Variants in SOX6 observed in about 807,000 individuals in gnomAD.
SOX6 encodes transcription factor SOX-6.
SOX6 carries 11 observed loss-of-function variants against 97.8 expected under a neutral mutation model. The observed-to-expected ratio is 0.11, with a 90% CI of 0.07 to 0.19. The LOEUF (loss-of-function observed/expected upper bound fraction) is 0.19. Among genes scored for constraint, SOX6 ranks in the 10% least tolerant of loss-of-function variants. The pLI is 1.00. For synonymous variants in SOX6, 360 were observed against 371.4 expected, an observed-to-expected ratio of 0.97 and a Z score of 0.35; for missense variants, 810 against 1,039.5, an observed-to-expected ratio of 0.78 and a Z score of 3.04.
chr11:16,156,665 A>G (rs1279466971), intron 6 of SOX6, among the ~76,000 whole-genome samples: 2 of 151,482 alleles, frequency 1.3e-5, no homozygotes, highest in Admixed American at 6.6e-5. Context: ...TGCTCTTTCT[A>G]CTCCATCTTT....
rs537705127 is a variant in SOX6, at chr11:16,208,998, T to C, written c.536-22043A>G. On this transcript the variant is annotated intron_variant, in intron 4 of 15. Coordinates refer to ENST00000683767, the MANE Select transcript of SOX6 (RefSeq NM_001367873.1). ...TAAAATATTTCATTTTCTAAATACA[T>C]ATATGTGTGGGCTTCATACACTTCA... 9.8e-5 allele frequency among the ~76,000 whole-genome samples: 15 copies of C among 152,304 alleles called. No individual in the cohort carries two copies. In the South Asian group the frequency reaches 2.7e-3, roughly 27 times the overall value.
At chr11:16,718,595 T>G (rs1848235934) in intron 2 of SOX6, among the ~76,000 whole-genome samples, 1 of 152,180 alleles carries the variant, frequency 6.6e-6, no homozygotes, top group South Asian at 2.1e-4. Flanking sequence ...AGAAATAAAT[T>G]ACATATATGC....
intron 4 of SOX6, among the ~76,000 whole-genome samples, chr11:16,486,026 T>C (rs1860427435): frequency 7.8e-6 from 1 of 128,756 alleles, no homozygotes; most frequent in Non-Finnish European, 1.6e-5. Context: ...GAAGACCTCC[T>C]GTCATTACTT....
intron 4 of SOX6, among the ~76,000 whole-genome samples, chr11:16,194,927 C>T (rs7931734): frequency 0.55 from 82,978 of 152,060 alleles, 23,027 homozygotes; most frequent in East Asian, 0.75. Context: ...CATTACTGTT[C>T]TCTGTGGGTG....
Position 16,640,849 on chromosome 11 carries a change from T to C in SOX6, n.430-28589A>G, listed in dbSNP as rs558143553. On this transcript the variant is annotated intron_variant and non_coding_transcript_variant, in intron 3 of 5. Coordinates refer to the SOX6 transcript ENST00000524520. The stretch of plus-strand genomic sequence containing the variant: ...GTGGTATATCAATTTTGTTGATCTT[T>C]TCAAAAAATCAGCTCCTGGATTCAT... Among the ~76,000 whole-genome samples, 11 of 152,342 alleles carry C rather than the reference T, an allele frequency of 7.2e-5. No individual in the cohort carries two copies. The East Asian group carries it at 1.5e-3, about 21-fold the overall frequency.
intron 9 of SOX6, among the ~76,000 whole-genome samples, chr11:16,064,519 CATAT>C (rs34969974): frequency 0.046 from 6,646 of 145,712 alleles, 532 homozygotes; most frequent in African/African-American, 0.16. Flanking sequence ...CAAAGCCATA[CATAT>C]ATATATATAT....
At chr11:16,536,243 A>T (rs2133173209) in intron 4 of SOX6, among the ~76,000 whole-genome samples, 1 of 152,348 alleles carries the variant, frequency 6.6e-6, no homozygotes, top group Admixed American at 6.5e-5. Context: ...TACACATTTG[A>T]ATGTACCATT....
intron 4 of SOX6, among the ~76,000 whole-genome samples, chr11:16,196,270 C>T (rs1247658374): frequency 2.0e-5 from 3 of 152,142 alleles, no homozygotes; most frequent in Non-Finnish European, 4.4e-5. Flanking sequence ...TGCCCAAATC[C>T]TTAGCTATTA....
chr11:16,082,731 AT>A (rs1385769926), intron 9 of SOX6, among the ~76,000 whole-genome samples: 7 of 152,202 alleles, frequency 4.6e-5, no homozygotes, highest in African/African-American at 1.4e-4. Flanking sequence ...TAGAGATCAA[AT>A]TAAGAGGAAT....
chr11:16,591,324 T>TAGATAGAC (rs1554976548), intron 4 of SOX6, among the ~76,000 whole-genome samples: 1 of 73,346 alleles, frequency 1.4e-5, no homozygotes, highest in Non-Finnish European at 2.9e-5. Context: ...GATACATAGA[T>TAGATAGAC]AGATAGATAG....
intron 10 of SOX6, among the ~76,000 whole-genome samples, chr11:16,052,063 C>T (rs916782936): frequency 5.3e-5 from 8 of 152,104 alleles, no homozygotes; most frequent in East Asian, 1.9e-4. Flanking sequence ...CTTGCTTTAT[C>T]ATGCTCACGT....
chr11:16,582,488 C>T (rs990652870), intron 4 of SOX6, among the ~76,000 whole-genome samples: 34 of 151,774 alleles, frequency 2.2e-4, no homozygotes, highest in Non-Finnish European at 3.1e-4. Flanking sequence ...AAAAAATAAA[C>T]GTTTGTTGAA....
intron 4 of SOX6, chr11:16,567,231 A>G (rs992724427): frequency 2.0e-5 from 3 of 152,692 alleles, no homozygotes; most frequent in African/African-American, 7.2e-5. Flanking sequence ...AGAATAAGAA[A>G]TCATCTCTGT....
chr11:16,710,360 GA>G (rs1443220921), intron 3 of SOX6, among the ~76,000 whole-genome samples: 2 of 152,136 alleles, frequency 1.3e-5, no homozygotes, highest in African/African-American at 2.4e-5. Context: ...GAGAAGGTGA[GA>G]AAACTAAGAC....
chr11:16,532,613 T>C (rs1408755520), intron 4 of SOX6, among the ~76,000 whole-genome samples: 1 of 151,884 alleles, frequency 6.6e-6, no homozygotes, highest in Non-Finnish European at 1.5e-5. Flanking sequence ...AAAATAACAA[T>C]GTATACTCCA....
chr11:16,231,086 G>A (rs1232461285), intron 4 of SOX6, among the ~76,000 whole-genome samples: 1 of 151,566 alleles, frequency 6.6e-6, no homozygotes, highest in Non-Finnish European at 1.5e-5. Flanking sequence ...CCAACTAATT[G>A]GATGAAAATA....
At chr11:16,137,189 A>G (rs1420965278) in intron 6 of SOX6, among the ~76,000 whole-genome samples, 1 of 152,130 alleles carries the variant, frequency 6.6e-6, no homozygotes, top group Non-Finnish European at 1.5e-5. Flanking sequence ...TAATCCTAGC[A>G]CTTTGGGAGG....
At chr11:16,064,880 G>A (rs966056013) in intron 9 of SOX6, among the ~76,000 whole-genome samples, 4 of 151,844 alleles carry the variant, frequency 2.6e-5, no homozygotes, top group Admixed American at 6.6e-5. Flanking sequence ...TATAATAAAA[G>A]CCGTATATGA....
chr11:16,046,752 A>G (rs1855846065), intron 11 of SOX6, 51 bp from the exon 12 acceptor site: 2 of 1,552,460 alleles, frequency 1.3e-6, no homozygotes, highest in African/African-American at 2.7e-5. Flanking sequence ...GACTCCTAAA[A>G]AGTACTACTA....
Sources: allele counts gnomAD v4.1 joint callset (sites outside exome capture counted in the v4.1 genomes callset), GRCh38; gene constraint gnomAD v4.1.1; transcripts MANE v1.5; gene names NCBI Gene and HGNC (gene_info 2026-07-23, HGNC 2026-07-21).